Variants in LOC128462377 observed in about 807,000 individuals in gnomAD.
the LOC128462377 span, among the ~76,000 whole-genome samples, chr16:89,412,871 G>A: frequency 6.6e-6 from 1 of 152,192 alleles, no homozygotes; most frequent in Admixed American, 6.5e-5. Context: ...ACCTCTCCAT[G>A]CCTCCCAGGT....
the LOC128462377 span, among the ~76,000 whole-genome samples, chr16:89,416,589 T>C: frequency 6.6e-6 from 1 of 151,826 alleles, no homozygotes; most frequent in Admixed American, 6.6e-5. Context: ...TGAGCCACTG[T>C]GCCTGGCCAC....
At chr16:89,376,787 A>G in the LOC128462377 span, among the ~76,000 whole-genome samples, 9 of 152,314 alleles carry the variant, frequency 5.9e-5, no homozygotes, top group Admixed American at 5.9e-4. Flanking sequence ...ATTCTGGCGA[A>G]AAAAATCCTG....
chr16:89,331,325 A>T, the LOC128462377 span, among the ~76,000 whole-genome samples: 2 of 152,352 alleles, frequency 1.3e-5, no homozygotes, highest in African/African-American at 4.8e-5. Context: ...TAGAAAATTT[A>T]AAATTAGATG....
At chr16:89,386,341 C>A in the LOC128462377 span, among the ~76,000 whole-genome samples, 1 of 152,080 alleles carries the variant, frequency 6.6e-6, no homozygotes, top group Admixed American at 6.6e-5. Flanking sequence ...GAGGGCAGCA[C>A]GACCAATTCC....
chr16:89,407,852 C>CAAAA, the LOC128462377 span, among the ~76,000 whole-genome samples: 6 of 111,412 alleles, frequency 5.4e-5, no homozygotes, highest in African/African-American at 1.3e-4. Context: ...TGTCTCCCTC[C>CAAAA]AAAAAAAAAA....
chr16:89,333,742 T>C, the LOC128462377 span, among the ~76,000 whole-genome samples: 1 of 152,166 alleles, frequency 6.6e-6, no homozygotes, highest in Non-Finnish European at 1.5e-5. Flanking sequence ...CTGCAGGACA[T>C]CTTGGCTGCT....
chr16:89,349,719 T>C, the LOC128462377 span, among the ~76,000 whole-genome samples: 2 of 152,200 alleles, frequency 1.3e-5, no homozygotes, highest in African/African-American at 4.8e-5. Flanking sequence ...TCTACGATGC[T>C]GGCTTAGAGA....
the LOC128462377 span, among the ~76,000 whole-genome samples, chr16:89,415,901 T>A: frequency 1.4e-5 from 2 of 143,704 alleles, no homozygotes; most frequent in Non-Finnish European, 3.0e-5. Flanking sequence ...CACATGCCCA[T>A]GTGGGTCACG....
At chr16:89,379,200 G>T in the LOC128462377 span, among the ~76,000 whole-genome samples, 1 of 152,240 alleles carries the variant, frequency 6.6e-6, no homozygotes, top group Admixed American at 6.5e-5. Flanking sequence ...GCAGCCGGCG[G>T]GCTAGAAGGG....
At chr16:89,333,139 G>T in the LOC128462377 span, among the ~76,000 whole-genome samples, 1 of 152,194 alleles carries the variant, frequency 6.6e-6, no homozygotes, top group Non-Finnish European at 1.5e-5. Context: ...AATGCTCTGG[G>T]AACTCCAGTC....
At chr16:89,324,208 C>G in the LOC128462377 span, 1 of 1,188,112 alleles carries the variant, frequency 8.4e-7, no homozygotes, top group African/African-American at 1.6e-5. Flanking sequence ...GCGCGTTCAG[C>G]ATTACTGGCC....
the LOC128462377 span, chr16:89,324,766 C>G: frequency 6.5e-6 from 2 of 307,362 alleles, no homozygotes; most frequent in Non-Finnish European, 1.3e-5. Context: ...CCTTCGGCCA[C>G]AGACTGAAAG....
At chr16:89,392,128 GACACAGCAGTTGGTATAAAA>G in the LOC128462377 span, among the ~76,000 whole-genome samples, 4 of 152,164 alleles carry the variant, frequency 2.6e-5, no homozygotes, top group Non-Finnish European at 4.4e-5. Flanking sequence ...ATGGAAACCG[GACACAGCAGTTGGTATAAAA>G]AAACCGGACA....
the LOC128462377 span, among the ~76,000 whole-genome samples, chr16:89,337,219 C>T: frequency 2.5e-4 from 38 of 151,550 alleles, no homozygotes; most frequent in African/African-American, 8.5e-4. Context: ...CAAATTAAAA[C>T]GCCAAACGCA....
At chr16:89,414,388 C>G in the LOC128462377 span, among the ~76,000 whole-genome samples, 1 of 152,298 alleles carries the variant, frequency 6.6e-6, no homozygotes, top group Middle Eastern at 3.4e-3. Context: ...CGGCCACACT[C>G]ACTGGGAACC....
At chr16:89,417,946 G>T in the LOC128462377 span, among the ~76,000 whole-genome samples, 35 of 152,290 alleles carry the variant, frequency 2.3e-4, no homozygotes, top group Non-Finnish European at 4.6e-4. Context: ...GCACAGGGTG[G>T]GGGTCTCAGT....
chr16:89,342,152 A>G, the LOC128462377 span, among the ~76,000 whole-genome samples: 3 of 152,280 alleles, frequency 2.0e-5, no homozygotes, highest in African/African-American at 7.2e-5. Context: ...GCCCTTCTAG[A>G]TCTTGGCGTC....
At chr16:89,392,520 T>C in the LOC128462377 span, 1 of 152,090 alleles carries the variant, frequency 6.6e-6, no homozygotes, top group African/African-American at 2.4e-5. Context: ...ATGTTTTCCA[T>C]GAGCAGCACT....
the LOC128462377 span, among the ~76,000 whole-genome samples, chr16:89,319,320 G>A: frequency 6.6e-6 from 1 of 152,224 alleles, no homozygotes; most frequent in Non-Finnish European, 1.5e-5. Context: ...TTGGTGCTTT[G>A]CCCAGGCACC....
Sources: allele counts gnomAD v4.1 joint callset (sites outside exome capture counted in the v4.1 genomes callset), GRCh38; gene constraint gnomAD v4.1.1; transcripts MANE v1.5.